The following NPSR1 variants were observed in gnomAD, a reference collection of about 807,000 sequenced individuals.
The protein encoded by NPSR1 is neuropeptide S receptor.
A neutral mutation model predicts 46.9 loss-of-function variants in NPSR1; 48 were observed. The observed-to-expected ratio is 1.02, with a 90% CI of 0.81 to 1.30. The LOEUF (loss-of-function observed/expected upper bound fraction) is 1.30, where lower values mean the gene tolerates loss of function less well. Among genes scored for constraint, NPSR1 ranks in the 50% most tolerant of loss-of-function variants. The probability of loss-of-function intolerance (pLI) is 0.00; values close to 1 mark genes in which losing one functional copy is unlikely to be tolerated. For synonymous variants in NPSR1, 176 were observed against 168.1 expected (o/e 1.05, Z -0.36); for missense variants, 450 against 449.5 (o/e 1.00, Z -0.01).
intron 2 of NPSR1, among the ~76,000 whole-genome samples, chr7:34,700,892 T>G (rs1793794383): frequency 6.6e-6 from 1 of 152,218 alleles, no homozygotes; most frequent in Admixed American, 6.5e-5. Context: ...CAATAAATGC[T>G]AGCTGTGAAT....
chr7:34,747,134 A>C (rs530767429), intron 2 of NPSR1, among the ~76,000 whole-genome samples: 1,761 of 151,236 alleles, frequency 0.012, 23 homozygotes, highest in African/African-American at 0.04. Context: ...AAAAACAAAA[A>C]AAAAAAAAAA....
In NPSR1 at chr7:34,714,826, A is replaced by G. The variant is rs139514144; in HGVS notation, c.280+30142A>G. On this transcript the variant is annotated intron_variant, in intron 2 of 8. Transcript: ENST00000360581. ...TTGAGAAGTGCCATAGATACCAGGA[A>G]TCAAATGAATGGAGATTTGCTATTA... Among the ~76,000 whole-genome samples, 370 of 152,342 alleles carry G rather than the reference A, an allele frequency of 2.4e-3. 2 individuals carry two copies. Among genetic ancestry groups the G allele is most frequent in the African/African-American group, 8.7e-3 (362 of 41,570 alleles).
intron 2 of NPSR1, among the ~76,000 whole-genome samples, chr7:34,695,980 A>T (rs1029432305): frequency 6.6e-6 from 1 of 151,724 alleles, no homozygotes; most frequent in African/African-American, 2.4e-5. Flanking sequence ...TGAAATCACT[A>T]TATAAAAAAG....
chr7:34,774,033 T>G (rs116394303), intron 2 of NPSR1, among the ~76,000 whole-genome samples: 6,323 of 152,268 alleles, frequency 0.042, 176 homozygotes, highest in African/African-American at 0.076. Flanking sequence ...TTGGCTACTG[T>G]GCAGAAACCT....
intron 7 of NPSR1, among the ~76,000 whole-genome samples, chr7:34,847,180 C>A (rs1425338602): frequency 6.6e-6 from 1 of 152,128 alleles, no homozygotes; most frequent in Non-Finnish European, 1.5e-5. Context: ...AAATTCCCAA[C>A]AAGTTACAGA....
At chr7:34,864,337 G>A (rs758157371) in intron 8 of NPSR1, among the ~76,000 whole-genome samples, 8 of 149,546 alleles carry the variant, frequency 5.3e-5, no homozygotes, top group East Asian at 2.0e-4. Context: ...AAACCTGCAC[G>A]TTCTGCACAT....
At chr7:34,692,130 AC>A (rs1257524344) in intron 2 of NPSR1, among the ~76,000 whole-genome samples, 1 of 152,148 alleles carries the variant, frequency 6.6e-6, no homozygotes, top group Non-Finnish European at 1.5e-5. Context: ...TCCTAAAAAA[AC>A]AAAACAAAAC....
Position 34,778,576 on chromosome 7 carries a change from C to G in NPSR1, c.384+11C>G. On this transcript the variant is annotated intron_variant, in intron 3 of 8. Transcript: ENST00000360581. ...GTCCGCTATTTGCAGGTATGTCACA[C>G]CTTCCAAATGTGATGAGACAAACTG... is the stretch of plus-strand genomic sequence containing the variant. The G allele has an allele frequency of 6.5e-7, 1 of 1,544,418 alleles. No individual in the cohort carries two copies. Among genetic ancestry groups the G allele is most frequent in the Non-Finnish European group, 8.9e-7 (1 of 1,117,854 alleles).
intron 8 of NPSR1, among the ~76,000 whole-genome samples, chr7:34,875,759 A>C (rs563845771): frequency 5.3e-5 from 8 of 152,190 alleles, no homozygotes; most frequent in Non-Finnish European, 1.2e-4. Context: ...TTGGAATGAC[A>C]TACCCAATTC....
intron 2 of NPSR1, among the ~76,000 whole-genome samples, chr7:34,734,520 C>T (rs324393): frequency 0.34 from 51,587 of 151,980 alleles, 8,995 homozygotes; most frequent in East Asian, 0.44. Flanking sequence ...GTATAAGTTC[C>T]TCAAATCTAA....
intron 4 of NPSR1, among the ~76,000 whole-genome samples, chr7:34,825,849 A>G (rs1789807104): frequency 6.6e-6 from 1 of 152,156 alleles, no homozygotes; most frequent in Non-Finnish European, 1.5e-5. Context: ...CAATGTGGAT[A>G]GCAACCTGGG....
intron 2 of NPSR1, among the ~76,000 whole-genome samples, chr7:34,768,825 A>T (rs1185190695): frequency 6.6e-6 from 1 of 152,136 alleles, no homozygotes; most frequent in Non-Finnish European, 1.5e-5. Context: ...TTCAAATTTG[A>T]GATCTACTTA....
At chr7:34,705,200 G>A (rs1389917587) in intron 2 of NPSR1, among the ~76,000 whole-genome samples, 1 of 152,074 alleles carries the variant, frequency 6.6e-6, no homozygotes, top group Non-Finnish European at 1.5e-5. Context: ...GCTGAGGCGG[G>A]CAGATCACTG....
At chr7:34,754,191 G>C (rs1299164203) in intron 2 of NPSR1, among the ~76,000 whole-genome samples, 2 of 151,906 alleles carry the variant, frequency 1.3e-5, no homozygotes, top group East Asian at 3.9e-4. Flanking sequence ...CTGGACACAG[G>C]ACTAGGTTTA....
intron 8 of NPSR1, among the ~76,000 whole-genome samples, chr7:34,870,926 G>T (rs1446882543): frequency 6.6e-6 from 1 of 151,546 alleles, no homozygotes; most frequent in Non-Finnish European, 1.5e-5. Context: ...ATAGATGGAT[G>T]GATGGATAGA....
At chr7:34,794,831 AC>A (rs762011064) in intron 3 of NPSR1, among the ~76,000 whole-genome samples, 30 of 152,134 alleles carry the variant, frequency 2.0e-4, no homozygotes, top group Non-Finnish European at 4.1e-4. Flanking sequence ...AAATAATTCT[AC>A]ACTTGAGATA....
intron 8 of NPSR1, chr7:34,878,035 C>T (rs757298425): frequency 8.3e-7 from 1 of 1,206,648 alleles, no homozygotes; most frequent in African/African-American, 1.5e-5. Context: ...TAGGAAGACC[C>T]AGGTCCCTAT....
chr7:34,703,063 A>G (rs1793914937), intron 2 of NPSR1, among the ~76,000 whole-genome samples: 2 of 152,212 alleles, frequency 1.3e-5, no homozygotes, highest in Non-Finnish European at 2.9e-5. Context: ...TAATTTGCTT[A>G]TTATCAAAAG....
chr7:34,734,914 C>A (rs1784597860), intron 2 of NPSR1, among the ~76,000 whole-genome samples: 1 of 152,156 alleles, frequency 6.6e-6, no homozygotes, highest in Non-Finnish European at 1.5e-5. Flanking sequence ...TTAGCTTGCC[C>A]TCTTGGCTGT....
Sources: gnomAD v4.1 joint callset for allele counts (sites outside exome capture counted in the v4.1 genomes callset) on GRCh38, gnomAD v4.1.1 for gene constraint, MANE v1.5 for transcripts, NCBI Gene and HGNC (gene_info 2026-07-23, HGNC 2026-07-21) for gene names.